Variants in POC5 observed in about 807,000 individuals in gnomAD.
The protein encoded by POC5 is POC5 centriolar protein, also known as centrosomal protein POC5.
Under a neutral mutation model 62.9 loss-of-function variants are expected in POC5, and 48 were observed. The ratio of observed to expected loss-of-function variants is 0.76; its 90% CI spans 0.61 to 0.97. The LOEUF is 0.97. POC5 is among the 50% of genes least tolerant of loss of function. The probability of loss-of-function intolerance (pLI) is 0.00; values close to 1 mark genes in which losing one functional copy is unlikely to be tolerated. For synonymous variants in POC5, 236 were observed against 228.2 expected, an observed-to-expected ratio of 1.03 and a Z score of -0.31; for missense variants, 696 against 679.5, an observed-to-expected ratio of 1.02 and a Z score of -0.27.
chr5:75,702,565 C>A, intron 5 of POC5, 40 bp downstream of exon 5: 1 of 1,551,002 alleles, frequency 6.4e-7, no homozygotes, highest in South Asian at 1.2e-5. Context: ...TATTACATTA[C>A]ATACTAAACA....
At chr5:75,675,273 A>G (rs1054803170) in intron 11 of POC5, among the ~76,000 whole-genome samples, 4 of 152,230 alleles carry the variant, frequency 2.6e-5, no homozygotes, top group African/African-American at 9.6e-5. Flanking sequence ...CATGAACAAT[A>G]TGTATCAGTA....
intron 5 of POC5, among the ~76,000 whole-genome samples, chr5:75,696,558 G>A (rs1776601830): frequency 1.3e-5 from 2 of 151,394 alleles, no homozygotes; most frequent in Non-Finnish European, 3.0e-5. Context: ...AAACCCATCT[G>A]TACATCACCA....
chr5:75,692,545 G>T, intron 6 of POC5, 45 bp from the exon 7 acceptor site: 1 of 1,332,926 alleles, frequency 7.5e-7, no homozygotes, highest in Non-Finnish European at 1.0e-6. Context: ...TAAAATAACA[G>T]CAATTGGTAA....
At chr5:75,705,937 C>T (rs1249828958) in intron 3 of POC5, 150 bp from the exon 4 acceptor site, 1 of 532,642 alleles carries the variant, frequency 1.9e-6, no homozygotes, top group Non-Finnish European at 3.3e-6. Context: ...AAACAAAGGA[C>T]AAGAACAGAT....
In POC5 at chr5:75,699,028, A is replaced by C. The variant is rs945938398; in HGVS notation, c.513+3577T>G. 2.6e-3 allele frequency among the ~76,000 whole-genome samples: 394 copies of C among 152,252 alleles called. 1 individual carries two copies. Among genetic ancestry groups the C allele is most frequent in the African/African-American group, 9.1e-3 (377 of 41,562 alleles). ...CCAAGACTAAACCAGGAAGAAGTTG[A>C]ATCTCTGAATAGACCAATAACAGGA... On this transcript the variant is annotated intron_variant, in intron 5 of 11. Coordinates refer to ENST00000428202, the MANE Select transcript of POC5 (RefSeq NM_001099271.2).
intron 8 of POC5, 125 bp from the exon 9 acceptor site, chr5:75,689,290 TCTG>T: frequency 7.4e-7 from 1 of 1,358,694 alleles, no homozygotes. Flanking sequence ...ACTTACCTCT[TCTG>T]CTATGTGCAA....
At chr5:75,675,030 C>A (rs1775599624) in intron 11 of POC5, among the ~76,000 whole-genome samples, 1 of 152,156 alleles carries the variant, frequency 6.6e-6, no homozygotes. Flanking sequence ...CACACGGAAG[C>A]CCTCAGGATG....
intron 5 of POC5, among the ~76,000 whole-genome samples, chr5:75,700,056 A>G (rs1363260307): frequency 1.3e-5 from 2 of 151,824 alleles, no homozygotes; most frequent in Non-Finnish European, 2.9e-5. Flanking sequence ...CCACTGCTCA[A>G]GGAAATAAAA....
At chr5:75,715,670 C>T (rs1561486712) in intron 1 of POC5, among the ~76,000 whole-genome samples, 1 of 152,116 alleles carries the variant, frequency 6.6e-6, no homozygotes, top group Non-Finnish European at 1.5e-5. Flanking sequence ...ATACCCGACT[C>T]GTATGCAATA....
chr5:75,705,252 G>A (rs538558668), intron 4 of POC5: 1 of 152,210 alleles, frequency 6.6e-6, no homozygotes, highest in South Asian at 2.1e-4. Context: ...GCCTCTTTAA[G>A]ATTTGCTAAT....
chr5:75,703,843 A>G (rs1362870084), intron 4 of POC5, among the ~76,000 whole-genome samples: 1 of 151,670 alleles, frequency 6.6e-6, no homozygotes, highest in Non-Finnish European at 1.5e-5. Context: ...CCTAAAGAGA[A>G]CAGGTATCTA....
intron 6 of POC5, among the ~76,000 whole-genome samples, chr5:75,693,932 G>A (rs1776449885): frequency 6.6e-6 from 1 of 152,194 alleles, no homozygotes; most frequent in Non-Finnish European, 1.5e-5. Flanking sequence ...CTAAAGGAAA[G>A]TGAAATAAAA....
At chr5:75,695,982 C>T (rs922722991) in intron 5 of POC5, 1 of 152,710 alleles carries the variant, frequency 6.5e-6, no homozygotes, top group Non-Finnish European at 1.5e-5. Context: ...GTCACTCCCA[C>T]CCGAATACTG....
rs1776276820 is a variant in POC5, at chr5:75,690,393, T to C, written c.965A>G (p.Lys322Arg). The change falls in exon 8 of 12, where the codon AAA (lysine) becomes AGA (arginine). Residue 322 changes from lysine to arginine, a missense_variant. Transcript: ENST00000428202. ...GAAAAAGATGCTTACCATAGCAACT[T>C]TGGCTTCATAATCATTGGAAATCTG... ...CIQISNDYEA[K>R]VAMLSGALEN... 1 of 1,608,598 alleles carries C rather than the reference T, an allele frequency of 6.2e-7. No homozygotes were observed. Among genetic ancestry groups the C allele is most frequent in the African/African-American group, 1.3e-5 (1 of 74,678 alleles).
At chr5:75,697,082 G>A (rs1371683690) in intron 5 of POC5, among the ~76,000 whole-genome samples, 2 of 152,220 alleles carry the variant, frequency 1.3e-5, no homozygotes, top group African/African-American at 4.8e-5. Flanking sequence ...CGTCTCATTG[G>A]TGTACCTGAA....
At chr5:75,680,618 G>A (rs1775831636) in intron 10 of POC5, among the ~76,000 whole-genome samples, 1 of 151,872 alleles carries the variant, frequency 6.6e-6, no homozygotes, top group African/African-American at 2.4e-5. Context: ...ATAAATTGAT[G>A]AAAAAGTTGA....
intron 4 of POC5, 35 bp downstream of exon 4, chr5:75,705,669 T>C (rs1021345687): frequency 2.4e-6 from 3 of 1,272,710 alleles, no homozygotes; most frequent in Non-Finnish European, 3.2e-6. Flanking sequence ...CAAAATGTTG[T>C]ATATTAATAC....
chr5:75,704,557 T>C (rs987046695), intron 4 of POC5, among the ~76,000 whole-genome samples: 1 of 152,202 alleles, frequency 6.6e-6, no homozygotes, highest in African/African-American at 2.4e-5. Context: ...ACAGGTGGAA[T>C]GACAATGTAC....
At chr5:75,694,563 T>C (rs1274210427) in intron 6 of POC5, 92 bp downstream of exon 6, 1 of 1,052,836 alleles carries the variant, frequency 9.5e-7, no homozygotes, top group Non-Finnish European at 1.3e-6. Context: ...AGAACCTGTA[T>C]CTTGTATGAG....
Sources: allele counts gnomAD v4.1 joint callset (sites outside exome capture counted in the v4.1 genomes callset), GRCh38; gene constraint gnomAD v4.1.1; transcripts MANE v1.5; gene names NCBI Gene and HGNC (gene_info 2026-07-23, HGNC 2026-07-21).